CEP192: variants seen among roughly 807,000 people sequenced by gnomAD.
CEP192 encodes the protein centrosomal protein of 192 kDa.
In CEP192, 151 loss-of-function variants were observed where a neutral mutation model predicts 271.8. That is an observed-to-expected ratio of 0.56 (90% CI 0.49 to 0.64). The LOEUF (loss-of-function observed/expected upper bound fraction) is 0.64. Among genes scored for constraint, CEP192 ranks in the 30% least tolerant of loss-of-function variants. The pLI is 0.00. For synonymous variants in CEP192, 995 were observed against 1,076.5 expected, an observed-to-expected ratio of 0.92 and a Z score of 1.48; for missense variants, 2,910 against 3,020.5, an observed-to-expected ratio of 0.96 and a Z score of 0.86.
At chr18:13,091,924 A>G (rs916149603) in intron 33 of CEP192, among the ~76,000 whole-genome samples, 6 of 152,214 alleles carry the variant, frequency 3.9e-5, no homozygotes, top group East Asian at 1.9e-4. Context: ...TAGAGGTAAT[A>G]GTACCTATCT....
At chr18:13,037,600 C>G (rs1251337279) in intron 12 of CEP192, among the ~76,000 whole-genome samples, 1 of 152,158 alleles carries the variant, frequency 6.6e-6, no homozygotes, top group Non-Finnish European at 1.5e-5. Context: ...CTGTGTCACC[C>G]AGGCTGGAGT....
At chr18:12,991,829 GGTGATGTTTCCTTTATGTGCCCT>G (rs1344032227) in intron 1 of CEP192, among the ~76,000 whole-genome samples, 10 of 152,326 alleles carry the variant, frequency 6.6e-5, no homozygotes, top group African/African-American at 1.9e-4. Flanking sequence ...TGAAGTGACC[GGTGATGTTTCCTTTATGTGCCCT>G]GTGATGGGCG....
Position 13,099,575 on chromosome 18 carries a change from A to C in CEP192, c.6657A>C (p.Gly2219=), listed in dbSNP as rs757008157. The change falls in exon 37 of 45, where the codon GGA becomes GGC. Residue 2219 remains glycine, a synonymous_variant. Coordinates refer to ENST00000506447, the MANE Select transcript of CEP192 (RefSeq NM_032142.4). ...TGATCTATATACACTGTGACGATGGACAGAAGGTACTTTTAAAAGTGGTTT... is the reference window on the plus strand; with the variant it reads ...TGATCTATATACACTGTGACGATGGCCAGAAGGTACTTTTAAAAGTGGTTT... ...SGLIYIHCDD[G]QKKIVKVQIR... is the part of the protein sequence containing the mutation. 1.3e-6 allele frequency: 2 copies of C among 1,523,122 alleles called. No homozygotes were observed. Among genetic ancestry groups the C allele is most frequent in the African/African-American group, 1.4e-5 (1 of 71,054 alleles). 94.4% of individuals were successfully genotyped at this position (1,523,122 alleles called of 1,614,324 possible). A position where few individuals can be genotyped will look rare whatever the true frequency, so the allele number is the denominator to read the frequency against.
chr18:13,102,763 C>T (rs1266539600), intron 38 of CEP192, among the ~76,000 whole-genome samples: 6 of 152,202 alleles, frequency 3.9e-5, no homozygotes, highest in Admixed American at 6.5e-5. Flanking sequence ...GGCAGGGTCC[C>T]GGCCCAGCCT....
chr18:13,046,078 G>A (rs574823013), intron 15 of CEP192, among the ~76,000 whole-genome samples: 1 of 152,148 alleles, frequency 6.6e-6, no homozygotes, highest in Admixed American at 6.6e-5. Context: ...CGGGCCCATA[G>A]TTCTGCAGGC....
chr18:13,048,797 G>A (rs68169869), intron 15 of CEP192, 62 bp from the exon 16 acceptor site: 151,452 of 1,095,740 alleles, frequency 0.14, 11,884 homozygotes, highest in East Asian at 0.29. Context: ...GATAATGGGG[G>A]ACTAATGAAT....
At chr18:13,081,743 G>T (rs1271724948) in intron 30 of CEP192, among the ~76,000 whole-genome samples, 1 of 151,548 alleles carries the variant, frequency 6.6e-6, no homozygotes, top group African/African-American at 2.4e-5. Context: ...TGGGCATTTA[G>T]TGGTATAAAT....
chr18:13,066,453 T>A (rs550712582), intron 21 of CEP192, among the ~76,000 whole-genome samples: 149 of 152,348 alleles, frequency 9.8e-4, no homozygotes, highest in African/African-American at 3.4e-3. Flanking sequence ...TTAAAAATTT[T>A]TAATGTGAGC....
intron 27 of CEP192, among the ~76,000 whole-genome samples, 179 bp downstream of exon 27, chr18:13,070,035 C>T (rs1002160245): frequency 6.6e-6 from 1 of 151,986 alleles, no homozygotes; most frequent in Non-Finnish European, 1.5e-5. Context: ...GTGGTGTGCA[C>T]CTGTAGTTTC....
Position 13,073,160 on chromosome 18 carries a change from G to A in CEP192, c.5591G>A (p.Arg1864Gln), listed in dbSNP as rs369681781. ...ARLEIKQLGN[R>Q]SQPGIKFTIP... The stretch of plus-strand genomic sequence containing the variant: ...CTAGAAATCAAACAACTTGGAAATC[G>A]ATCACAACCAGGCATTAAGTTCACA... Residue 1864 changes from arginine to glutamine, a missense_variant, in exon 30 of 45, where the codon CGA (arginine) becomes CAA (glutamine). Transcript: ENST00000506447. The A allele has an allele frequency of 1.6e-5, 26 of 1,611,584 alleles. No individual in the cohort carries two copies. The highest frequency in any genetic ancestry group is 4.5e-5 in the East Asian group (2 of 44,864).
Position 13,056,455 on chromosome 18 carries a change from G to A in CEP192, c.3865G>A (p.Gly1289Ser), listed in dbSNP as rs767105523. 3.1e-6 allele frequency: 5 copies of A among 1,614,110 alleles called. No homozygotes were observed. The highest frequency in any genetic ancestry group is 4.2e-6 in the Non-Finnish European group (5 of 1,180,030). Residue 1289 changes from glycine (G) to serine (S), a missense_variant, in exon 19 of 45, where the codon GGC becomes AGC. By Grantham distance (56) the Gly-to-Ser change is moderately conservative. Coordinates refer to ENST00000506447, the MANE Select transcript of CEP192 (RefSeq NM_032142.4). ...CCATGCTGGCAATGCCACAGTCTGT[G>A]GCTTCTCAGGAGGCCTTCCCTATCC... ...QCHAGNATVC[G>S]FSGGLPYPAV...
At chr18:13,043,600 T>A (rs1417276994) in intron 15 of CEP192, among the ~76,000 whole-genome samples, 1 of 152,182 alleles carries the variant, frequency 6.6e-6, no homozygotes, top group Admixed American at 6.5e-5. Context: ...CCCTTTATAT[T>A]TCCATGTGTG....
intron 9 of CEP192, among the ~76,000 whole-genome samples, chr18:13,023,842 C>G (rs1246258348): frequency 1.3e-5 from 2 of 152,286 alleles, no homozygotes; most frequent in East Asian, 1.9e-4. Context: ...TTGAACCTAT[C>G]TGGGCATGGT....
In CEP192 at chr18:13,055,982, A is replaced by G; in HGVS notation, c.3392A>G (p.Lys1131Arg). ...CTGAGTAGCAAGCCTGAATATGTAA[A>G]ACCTGACTTTAGATGGAGTAAAGAT... The part of the protein sequence containing the change: ...TSLSSKPEYV[K>R]PDFRWSKDPS... Residue 1131 changes from lysine (K) to arginine (R), a missense_variant, in exon 19 of 45, where the codon AAA (lysine) becomes AGA (arginine). By Grantham distance (26) the Lys-to-Arg change is conservative. Coordinates refer to ENST00000506447, the MANE Select transcript of CEP192 (RefSeq NM_032142.4). 6.2e-7 allele frequency: 1 copy of G among 1,614,208 alleles called. No individual in the cohort carries two copies. Among genetic ancestry groups the G allele is most frequent in the Non-Finnish European group, 8.5e-7 (1 of 1,180,042 alleles).
At chr18:13,103,892 A>G (rs1172688320) in intron 39 of CEP192, 1 of 473,384 alleles carries the variant, frequency 2.1e-6, no homozygotes, top group Non-Finnish European at 4.2e-6. Context: ...GCCTCACCAC[A>G]CTGCCCAGGC....
At chr18:13,122,074 A>C (rs2040688262) in intron 44 of CEP192, among the ~76,000 whole-genome samples, 1 of 152,080 alleles carries the variant, frequency 6.6e-6, no homozygotes, top group African/African-American at 2.4e-5. Context: ...GGGTCATCTG[A>C]GGTCAGGAGT....
At chr18:13,022,824 A>T (rs1043823482) in intron 9 of CEP192, among the ~76,000 whole-genome samples, 3 of 152,188 alleles carry the variant, frequency 2.0e-5, no homozygotes, top group African/African-American at 7.2e-5. Context: ...TGAACATTGA[A>T]TATCTCTCTA....
intron 30 of CEP192, among the ~76,000 whole-genome samples, chr18:13,075,989 C>T (rs995070943): frequency 6.6e-6 from 1 of 152,128 alleles, no homozygotes; most frequent in Non-Finnish European, 1.5e-5. Context: ...CCCCAGGGGA[C>T]ATTGGCAGAG....
chr18:13,071,035 T>C lies in CEP192; in HGVS notation c.5175-4T>C, dbSNP rs1221000768. 2 of 1,610,970 alleles carry C rather than the reference T, an allele frequency of 1.2e-6. No individual in the cohort carries two copies. The highest frequency in any genetic ancestry group is 1.1e-5 in the South Asian group (1 of 90,920). On this transcript the variant is annotated splice_region_variant and splice_polypyrimidine_tract_variant and intron_variant, in intron 27 of 44. Transcript: ENST00000506447. ...CCTTCAACTTAGAATTCTTTCTTTC[T>C]TAGGATCTTGAAAATATTTGTGCAG...
Sources: gnomAD v4.1 joint callset for allele counts (sites outside exome capture counted in the v4.1 genomes callset) on GRCh38, gnomAD v4.1.1 for gene constraint, MANE v1.5 for transcripts, NCBI Gene and HGNC (gene_info 2026-07-23, HGNC 2026-07-21) for gene names.